The following WWP1 variants were observed in gnomAD, a reference collection of about 807,000 sequenced individuals.
WWP1 encodes the protein WW domain containing E3 ubiquitin protein ligase 1.
Under a neutral mutation model 130.6 loss-of-function variants are expected in WWP1, and 49 were observed. That is an observed-to-expected ratio of 0.38 (90% CI 0.30 to 0.48). The LOEUF (loss-of-function observed/expected upper bound fraction) is 0.48, where lower values mean the gene tolerates loss of function less well. Ranked by LOEUF, WWP1 falls within the 20% of genes least tolerant of loss-of-function variation. WWP1 has a pLI of 0.99. For synonymous variants in WWP1, 332 were observed against 367.8 expected, an observed-to-expected ratio of 0.90 and a Z score of 1.11; for missense variants, 809 against 1,100.6, an observed-to-expected ratio of 0.74 and a Z score of 3.75.
intron 16 of WWP1, among the ~76,000 whole-genome samples, chr8:86,436,808 T>C (rs897609644): frequency 6.6e-6 from 1 of 152,210 alleles, no homozygotes; most frequent in Non-Finnish European, 1.5e-5. Context: ...TTATGCTGTG[T>C]ACTCAGGCAT....
At chr8:86,374,206 G>T (rs756103018) in intron 3 of WWP1, 86 bp downstream of exon 3, 110 of 1,159,694 alleles carry the variant, frequency 9.5e-5, no homozygotes, top group Non-Finnish European at 1.2e-4. Flanking sequence ...TCCAGAAATA[G>T]AATTTCTTTT....
chr8:86,466,717 A>C, intron 24 of WWP1, 77 bp from the exon 25 acceptor site: 1 of 1,005,486 alleles, frequency 9.9e-7, no homozygotes, highest in Admixed American at 2.5e-5. Flanking sequence ...CAGCATTTCT[A>C]TGTGCTTTGA....
At chr8:86,365,061 G>A (rs76840866) in intron 1 of WWP1, among the ~76,000 whole-genome samples, 3,280 of 152,094 alleles carry the variant, frequency 0.022, 59 homozygotes, top group Non-Finnish European at 0.034. Context: ...TACTGGAAAA[G>A]AAGATGTAAA....
At chr8:86,395,491 A>G (rs1456533166) in intron 5 of WWP1, among the ~76,000 whole-genome samples, 1 of 61,012 alleles carries the variant, frequency 1.6e-5, no homozygotes, top group African/African-American at 4.1e-5. Context: ...GTCCCAAACA[A>G]GAGAGCAAAG....
intron 20 of WWP1, among the ~76,000 whole-genome samples, chr8:86,449,710 G>C (rs1308447932): frequency 1.3e-5 from 2 of 152,128 alleles, no homozygotes; most frequent in Non-Finnish European, 2.9e-5. Flanking sequence ...TCTATGAATA[G>C]TACTACCATT....
At chr8:86,379,706 A>C (rs905435852) in intron 3 of WWP1, among the ~76,000 whole-genome samples, 2 of 152,222 alleles carry the variant, frequency 1.3e-5, no homozygotes, top group East Asian at 3.8e-4. Flanking sequence ...CTTTTATTTG[A>C]AAATGCAAAT....
At chr8:86,388,855 G>C (rs1315207147) in intron 5 of WWP1, among the ~76,000 whole-genome samples, 1 of 152,048 alleles carries the variant, frequency 6.6e-6, no homozygotes, top group South Asian at 2.1e-4. Context: ...TTTTAAATCA[G>C]ACCTGAGTTG....
At chr8:86,452,287 CTATT>C (rs1361882556) in intron 20 of WWP1, among the ~76,000 whole-genome samples, 2 of 152,064 alleles carry the variant, frequency 1.3e-5, no homozygotes, top group African/African-American at 4.8e-5. Flanking sequence ...GAAGAACCTC[CTATT>C]TATTTTCTTT....
chr8:86,464,480 A>G (rs1473736698), intron 24 of WWP1, among the ~76,000 whole-genome samples: 1 of 152,120 alleles, frequency 6.6e-6, no homozygotes, highest in African/African-American at 2.4e-5. Flanking sequence ...ATCAGTAGCT[A>G]TAATTCATAT....
At chr8:86,370,799 C>G (rs1824241203) in intron 2 of WWP1, among the ~76,000 whole-genome samples, 1 of 145,200 alleles carries the variant, frequency 6.9e-6, no homozygotes, top group African/African-American at 2.6e-5. Context: ...TTCTTTTCTA[C>G]TTACTTGTTC....
intron 1 of WWP1, among the ~76,000 whole-genome samples, chr8:86,362,141 C>T (rs1305420086): frequency 3.9e-4 from 35 of 89,846 alleles, no homozygotes; most frequent in African/African-American, 1.8e-3. Flanking sequence ...TATATATATA[C>T]TAGGCATATA....
In WWP1 at chr8:86,468,343, C is replaced by CGAAA. The variant is rs965084564; in HGVS notation, c.*1456_*1459dup. On this transcript the variant is annotated 3_prime_UTR_variant, in exon 25 of 25. Coordinates refer to ENST00000517970, the MANE Select transcript of WWP1 (RefSeq NM_007013.4). Reference sequence around the variant, plus strand: ...TTTTATTCAGAATTCATAGTAAAGACGAAAGAAAGGCAGAGATCTGCTTGG... The same window carrying CGAAA: ...TTTTATTCAGAATTCATAGTAAAGACGAAAGAAAGAAAGGCAGAGATCTGCTTGG... The CGAAA allele has an allele frequency of 2.2e-6, 1 of 447,258 alleles. No individual in the cohort carries two copies. Among genetic ancestry groups the CGAAA allele is most frequent in the African/African-American group, 2.0e-5 (1 of 49,410 alleles). The allele number at this position is 447,258 out of a possible 1,614,324, so 27.7% of individuals were successfully genotyped here. A position where few individuals can be genotyped will look rare whatever the true frequency, so the allele number is the denominator to read the frequency against.
At chr8:86,384,682 G>T (rs1337863854) in intron 5 of WWP1, among the ~76,000 whole-genome samples, 1 of 152,002 alleles carries the variant, frequency 6.6e-6, no homozygotes, top group Non-Finnish European at 1.5e-5. Context: ...TTAAATTTTG[G>T]GGTTATTGTA....
chr8:86,345,661 C>T (rs1349196899), intron 1 of WWP1, among the ~76,000 whole-genome samples: 1 of 152,094 alleles, frequency 6.6e-6, no homozygotes, highest in East Asian at 1.9e-4. Context: ...ATCAGCTTGC[C>T]TTGGCCTTCC....
intron 9 of WWP1, among the ~76,000 whole-genome samples, chr8:86,423,759 C>G (rs1171396868): frequency 4.6e-5 from 7 of 151,916 alleles, no homozygotes; most frequent in Non-Finnish European, 8.8e-5. Flanking sequence ...GACGGGGTGG[C>G]GGCCGGGCAG....
chr8:86,439,113 G>T (rs1272321178), intron 17 of WWP1, among the ~76,000 whole-genome samples: 1 of 147,452 alleles, frequency 6.8e-6, no homozygotes, highest in Admixed American at 6.7e-5. Context: ...GGAGGCCAAG[G>T]CGGGTGGATC....
Position 86,380,848 on chromosome 8 carries a change from G to A in WWP1, c.193G>A (p.Asp65Asn). The A allele has an allele frequency of 1.2e-6, 2 of 1,612,034 alleles. No individual in the cohort carries two copies. The highest frequency in any genetic ancestry group is 1.7e-6 in the Non-Finnish European group (2 of 1,179,170). Residue 65 changes from aspartate (D) to asparagine (N), a missense_variant, in exon 4 of 25, where the codon GAT becomes AAT. Asp to Asn is a conservative substitution (Grantham distance 23). Coordinates refer to ENST00000517970, the MANE Select transcript of WWP1 (RefSeq NM_007013.4). ...CAGTAGTTCTTCTAATCCAAAATGG[G>A]ATGAACAGCTAACTGTGTAAGTACC... Reference protein sequence around the residue: ...KSSSSSNPKWDEQLTVNVTPQ... With the variant: ...KSSSSSNPKWNEQLTVNVTPQ...
chr8:86,431,706 A>T lies in WWP1; in HGVS notation c.1564A>T (p.Thr522Ser). 2 of 1,614,034 alleles carry T rather than the reference A, an allele frequency of 1.2e-6. No individual in the cohort carries two copies. The highest frequency in any genetic ancestry group is 1.7e-6 in the Non-Finnish European group (2 of 1,179,938). ...RYFVDHNTRT[T>S]TFKDPRNGKS... ...CTTTGTTGATCATAACACAAGAACA[A>T]CAACATTCAAAGATCCTCGCAATGG... Residue 522 changes from threonine to serine, a missense_variant, in exon 14 of 25, where the codon ACA becomes TCA. Transcript: ENST00000517970.
At chr8:86,374,226 C>T (rs1388057712) in intron 3 of WWP1, 106 bp downstream of exon 3, 1 of 885,884 alleles carries the variant, frequency 1.1e-6, no homozygotes, top group African/African-American at 1.7e-5. Flanking sequence ...TAGATTCATA[C>T]TATGGCATAT....
Sources: allele counts gnomAD v4.1 joint callset (sites outside exome capture counted in the v4.1 genomes callset), GRCh38; gene constraint gnomAD v4.1.1; transcripts MANE v1.5; gene names NCBI Gene and HGNC (gene_info 2026-07-23, HGNC 2026-07-21).